DPF3: variants seen among roughly 807,000 people sequenced by gnomAD.
DPF3 encodes the protein zinc finger protein DPF3.
In DPF3, 18 loss-of-function variants were observed where a neutral mutation model predicts 56.8. The observed-to-expected ratio is 0.32, with a 90% CI of 0.22 to 0.47. The LOEUF (loss-of-function observed/expected upper bound fraction) is 0.47, where lower values mean the gene tolerates loss of function less well. DPF3 is among the 20% of genes least tolerant of loss of function. The pLI is 1.00. For missense variants in DPF3, 403 were observed against 488.8 expected, an observed-to-expected ratio of 0.82 and a Z score of 1.65; for synonymous variants, 188 against 180.2, an observed-to-expected ratio of 1.04 and a Z score of -0.35.
At chr14:72,829,158 G>A (rs8010316) in intron 1 of DPF3, among the ~76,000 whole-genome samples, 77,510 of 151,964 alleles carry the variant, frequency 0.51, 20,342 homozygotes, top group East Asian at 0.87. Flanking sequence ...CATCTGCCAG[G>A]CTTTCCTTGT....
intron 2 of DPF3, among the ~76,000 whole-genome samples, chr14:72,771,247 G>A (rs946635720): frequency 6.6e-6 from 1 of 151,992 alleles, no homozygotes; most frequent in Non-Finnish European, 1.5e-5. Context: ...ACTCATTTAA[G>A]AGTTTTTATA....
intron 1 of DPF3, among the ~76,000 whole-genome samples, chr14:72,776,654 T>C (rs1026632652): frequency 6.6e-6 from 1 of 152,048 alleles, no homozygotes; most frequent in African/African-American, 2.4e-5. Flanking sequence ...AACCTCCTGC[T>C]CTCAAGACCA....
intron 2 of DPF3, among the ~76,000 whole-genome samples, chr14:72,754,069 T>A (rs1890690090): frequency 6.6e-6 from 1 of 151,678 alleles, no homozygotes; most frequent in African/African-American, 2.4e-5. Context: ...CCTGTGTGTG[T>A]GGCCTTTGAC....
At chr14:72,880,369 C>T (rs1258750034) in intron 1 of DPF3, among the ~76,000 whole-genome samples, 1 of 152,200 alleles carries the variant, frequency 6.6e-6, no homozygotes, top group African/African-American at 2.4e-5. Context: ...CTTTAGTTGG[C>T]AGTTGCCTAG....
intron 6 of DPF3, among the ~76,000 whole-genome samples, chr14:72,700,429 G>T (rs1361251174): frequency 1.3e-5 from 2 of 152,170 alleles, no homozygotes; most frequent in Non-Finnish European, 2.9e-5. Context: ...AAGTCTGTTG[G>T]GTTCAGAGTG....
intron 1 of DPF3, among the ~76,000 whole-genome samples, chr14:72,804,299 T>A (rs936419014): frequency 6.6e-6 from 1 of 151,912 alleles, no homozygotes; most frequent in African/African-American, 2.4e-5. Context: ...CCTGTGACAG[T>A]GCTTCTTTGT....
At chr14:72,796,087 A>C (rs756101770) in intron 1 of DPF3, among the ~76,000 whole-genome samples, 2 of 152,220 alleles carry the variant, frequency 1.3e-5, no homozygotes, top group Non-Finnish European at 2.9e-5. Flanking sequence ...GAAATCTCTC[A>C]GGTGAAGTTA....
chr14:72,693,284 T>C, intron 6 of DPF3, 71 bp from the exon 7 acceptor site: 3 of 1,518,884 alleles, frequency 2.0e-6, no homozygotes, highest in Non-Finnish European at 2.7e-6. Context: ...GCTATCATTC[T>C]CCCAGACAGT....
intron 1 of DPF3, among the ~76,000 whole-genome samples, chr14:72,874,402 C>A (rs1213423159): frequency 6.6e-6 from 1 of 151,838 alleles, no homozygotes; most frequent in African/African-American, 2.4e-5. Flanking sequence ...TCACTTGAAC[C>A]CAGGAGGCAG....
chr14:72,892,188 AGGTGGCATCAGCCC>A, intron 1 of DPF3: 1 of 1,535,480 alleles, frequency 6.5e-7, no homozygotes, highest in East Asian at 2.4e-5. Context: ...TGAGTTTACC[AGGTGGCATCAGCCC>A]GGTTATGTGA....
intron 3 of DPF3, among the ~76,000 whole-genome samples, chr14:72,741,397 C>T (rs574979667): frequency 6.6e-6 from 1 of 152,352 alleles, no homozygotes; most frequent in South Asian, 2.1e-4. Flanking sequence ...AGACTTGAAC[C>T]TAGGCCTGTG....
intron 1 of DPF3, among the ~76,000 whole-genome samples, chr14:72,832,469 A>G (rs1464448653): frequency 1.3e-5 from 2 of 152,194 alleles, no homozygotes; most frequent in East Asian, 3.9e-4. Flanking sequence ...CCGCAGCTAC[A>G]GCAATCTTAG....
chr14:72,692,909 A>C (rs1887751872), intron 7 of DPF3, among the ~76,000 whole-genome samples, 167 bp downstream of exon 7: 1 of 152,184 alleles, frequency 6.6e-6, no homozygotes, highest in Non-Finnish European at 1.5e-5. Flanking sequence ...GCTGAGCTGC[A>C]GGGGCAGCTG....
intron 3 of DPF3, among the ~76,000 whole-genome samples, chr14:72,741,417 T>A (rs1328902610): frequency 1.1e-4 from 16 of 152,352 alleles, no homozygotes; most frequent in Admixed American, 6.5e-4. Flanking sequence ...GATCCCTGTT[T>A]GGTGCCTGTC....
intron 1 of DPF3, among the ~76,000 whole-genome samples, chr14:72,786,621 T>C (rs1485715716): frequency 2.0e-5 from 3 of 152,372 alleles, no homozygotes; most frequent in African/African-American, 7.2e-5. Flanking sequence ...TCCTGGTTTT[T>C]AACATAAGCC....
intron 1 of DPF3, among the ~76,000 whole-genome samples, chr14:72,872,947 T>G (rs1303729752): frequency 6.6e-6 from 1 of 152,208 alleles, no homozygotes; most frequent in Non-Finnish European, 1.5e-5. Context: ...ATTTAAATGT[T>G]AGACCTAAAA....
At chr14:72,666,153 T>C (rs1886434033) in intron 8 of DPF3, among the ~76,000 whole-genome samples, 1 of 152,136 alleles carries the variant, frequency 6.6e-6, no homozygotes, top group Non-Finnish European at 1.5e-5. Context: ...TTAGAAGCAA[T>C]TGGGTTTGTG....
chr14:72,787,848 C>A (rs1337318815), intron 1 of DPF3, among the ~76,000 whole-genome samples: 2 of 152,170 alleles, frequency 1.3e-5, no homozygotes, highest in Admixed American at 1.3e-4. Context: ...CTGCTAAGGA[C>A]AAGAGAGGAG....
At chr14:72,800,854 C>T (rs1892865261) in intron 1 of DPF3, among the ~76,000 whole-genome samples, 1 of 152,196 alleles carries the variant, frequency 6.6e-6, no homozygotes, top group South Asian at 2.1e-4. Context: ...GCAAGTTGAA[C>T]CTACACACAA....
Sources: gnomAD v4.1 joint callset for allele counts (sites outside exome capture counted in the v4.1 genomes callset) on GRCh38, gnomAD v4.1.1 for gene constraint, MANE v1.5 for transcripts, NCBI Gene and HGNC (gene_info 2026-07-23, HGNC 2026-07-21) for gene names.